DMD: variants seen among roughly 807,000 people sequenced by gnomAD.
The protein encoded by DMD is dystrophin, also known as mutant dystrophin.
A neutral mutation model predicts 330.1 loss-of-function variants in DMD; 63 were observed. The ratio of observed to expected loss-of-function variants is 0.19; its 90% CI spans 0.16 to 0.24. DMD has a LOEUF of 0.24. DMD is among the 10% of genes least tolerant of loss of function. The pLI is 1.00. For missense variants in DMD, 3,344 were observed against 2,684.1 expected (o/e 1.25, Z -5.43); for synonymous variants, 1,223 against 959.8 (o/e 1.27, Z -5.07).
intron 29 of DMD, among the ~76,000 whole-genome samples, chrX:32,426,789 A>G (rs1205823598): frequency 8.9e-6 from 1 of 111,881 alleles, no homozygotes; most frequent in African/African-American, 3.3e-5. Flanking sequence ...AAAAAGAAGG[A>G]GTTCGTGTCC....
At chrX:32,576,187 G>A (rs1375328702) in intron 13 of DMD, among the ~76,000 whole-genome samples, 1 of 111,440 alleles carries the variant, frequency 9.0e-6, no homozygotes, top group Non-Finnish European at 1.9e-5. Context: ...TCCTCAGGTG[G>A]ATGCCTAAAA....
chrX:33,030,992 G>A (rs769390402), intron 1 of DMD, among the ~76,000 whole-genome samples: 6 of 111,479 alleles, frequency 5.4e-5, no homozygotes, highest in Non-Finnish European at 1.1e-4. Flanking sequence ...ATCACAAGAT[G>A]TATTTACTCA....
intron 2 of DMD, among the ~76,000 whole-genome samples, chrX:32,853,769 GA>G (rs1162458210): frequency 0.027 from 1,524 of 56,044 alleles, 15 homozygotes; most frequent in Non-Finnish European, 0.038. Flanking sequence ...CACAGTGACA[GA>G]AAAAAAAAAA....
chrX:32,364,078 A>C (rs949984794), intron 36 of DMD, among the ~76,000 whole-genome samples: 2 of 112,131 alleles, frequency 1.8e-5, no homozygotes, highest in Non-Finnish European at 3.8e-5. Flanking sequence ...ACTAAAAGAA[A>C]GAACCCAAAG....
At chrX:32,523,609 T>C (rs889391249) in intron 17 of DMD, among the ~76,000 whole-genome samples, 2 of 112,375 alleles carry the variant, frequency 1.8e-5, no homozygotes, top group African/African-American at 3.2e-5. Flanking sequence ...CATTCCTACA[T>C]GGCTGTCTAC....
chrX:32,095,460 T>C (rs1303456091), intron 44 of DMD, among the ~76,000 whole-genome samples: 1 of 111,267 alleles, frequency 9.0e-6, no homozygotes, highest in African/African-American at 3.3e-5. Context: ...AATCTTAAAT[T>C]CCTCGAGACC....
chrX:33,310,255 AG>A (rs1231989089), intron 1 of DMD, among the ~76,000 whole-genome samples: 5 of 111,654 alleles, frequency 4.5e-5, no homozygotes, highest in African/African-American at 1.6e-4. Context: ...AGCCTATTGT[AG>A]CTGCCTAATG....
intron 2 of DMD, among the ~76,000 whole-genome samples, chrX:32,953,407 C>T (rs2091379984): frequency 9.0e-6 from 1 of 110,832 alleles, no homozygotes; most frequent in Non-Finnish European, 1.9e-5. Context: ...ATTTTTTGTC[C>T]CATCTCTATG....
At chrX:31,413,417 C>G (rs139491442) in intron 60 of DMD, among the ~76,000 whole-genome samples, 2 of 112,237 alleles carry the variant, frequency 1.8e-5, no homozygotes, top group Non-Finnish European at 3.8e-5. Flanking sequence ...GGTACAGTAT[C>G]CCAGTCTGTT....
intron 55 of DMD, among the ~76,000 whole-genome samples, chrX:31,527,941 T>C (rs983595779): frequency 1.8e-5 from 2 of 111,359 alleles, no homozygotes; most frequent in Admixed American, 1.9e-4. Flanking sequence ...TTTTCTGCAG[T>C]GAACTCCGTT....
intron 1 of DMD, among the ~76,000 whole-genome samples, chrX:33,260,797 T>C (rs1426942189): frequency 9.0e-6 from 1 of 111,681 alleles, no homozygotes; most frequent in Admixed American, 9.6e-5. Context: ...TTGTATTTTG[T>C]CGATGATAGG....
intron 1 of DMD, among the ~76,000 whole-genome samples, chrX:33,292,149 A>G (rs1189612430): frequency 2.7e-5 from 3 of 110,915 alleles, no homozygotes; most frequent in Admixed American, 9.6e-5. Context: ...TCACACCTAC[A>G]TCACCTTTAA....
chrX:31,593,505 T>G (rs897647119), intron 55 of DMD, among the ~76,000 whole-genome samples: 2 of 111,514 alleles, frequency 1.8e-5, no homozygotes, highest in African/African-American at 6.5e-5. Flanking sequence ...GTGTATTTTG[T>G]TAAGATGTAC....
At chrX:33,000,113 G>GT (rs982154249) in intron 2 of DMD, among the ~76,000 whole-genome samples, 12 of 111,041 alleles carry the variant, frequency 1.1e-4, no homozygotes, top group African/African-American at 2.9e-4. Flanking sequence ...TATATTTTGT[G>GT]TTTTTTTTCT....
At chrX:32,508,450 T>A (rs1275697834) in intron 18 of DMD, among the ~76,000 whole-genome samples, 1 of 111,421 alleles carries the variant, frequency 9.0e-6, no homozygotes, top group African/African-American at 3.3e-5. Flanking sequence ...CAAAGAGATG[T>A]TAAAGAAGAT....
rs746250517 is a variant in DMD, at chrX:32,732,770, C to T, written c.650-33477G>A. On this transcript the variant is annotated intron_variant, in intron 7 of 78. Transcript: ENST00000357033. Reference sequence around the variant, plus strand: ...AAGAGCTCCTGAAGGAAGCGCTAAACATGGAAAGGAACAACCGGTACCAGC... The same window carrying T: ...AAGAGCTCCTGAAGGAAGCGCTAAATATGGAAAGGAACAACCGGTACCAGC... Among the ~76,000 whole-genome samples the T allele has an allele frequency of 4.7e-3, 514 of 110,223 alleles. 12 individuals are homozygous for T. Among genetic ancestry groups the T allele is most frequent in the African/African-American group, 0.016 (484 of 30,123 alleles).
chrX:32,165,819 T>C (rs142192715), intron 44 of DMD, among the ~76,000 whole-genome samples: 1,470 of 111,169 alleles, frequency 0.013, 30 homozygotes, highest in African/African-American at 0.045. Flanking sequence ...AATTGAATCA[T>C]GGGGTTGGCT....
At chrX:33,214,901 C>A (rs1440824851), upstream of DMD, among the ~76,000 whole-genome samples, 1 of 112,188 alleles carries the variant, frequency 8.9e-6, no homozygotes, top group Non-Finnish European at 1.9e-5. Context: ...AATCCTCCTG[C>A]CTCAGCCTCC....
intron 50 of DMD, among the ~76,000 whole-genome samples, chrX:31,798,592 C>CT (rs2091932300): frequency 9.1e-6 from 1 of 109,826 alleles, no homozygotes. Flanking sequence ...GCAAACATCA[C>CT]TGGACTGAGA....
Sources: gnomAD v4.1 joint callset for allele counts (sites outside exome capture counted in the v4.1 genomes callset) on GRCh38, gnomAD v4.1.1 for gene constraint, MANE v1.5 for transcripts, NCBI Gene and HGNC (gene_info 2026-07-23, HGNC 2026-07-21) for gene names.